Variants in ARMC3 observed in about 807,000 individuals in gnomAD.
The protein encoded by ARMC3 is armadillo repeat containing 3.
Under a neutral mutation model 90.3 loss-of-function variants are expected in ARMC3, and 74 were observed. The observed-to-expected ratio is 0.82, with a 90% CI of 0.68 to 0.99. ARMC3 has a LOEUF of 0.99. Among genes scored for constraint, ARMC3 ranks in the 50% least tolerant of loss-of-function variants. The pLI is 0.00. For synonymous variants in ARMC3, 334 were observed against 361.8 expected (o/e 0.92, Z 0.87); for missense variants, 958 against 1,042.8 (o/e 0.92, Z 1.12).
chr10:22,992,300 G>T (rs994069216), intron 10 of ARMC3, among the ~76,000 whole-genome samples: 11 of 152,164 alleles, frequency 7.2e-5, no homozygotes, highest in Non-Finnish European at 1.3e-4. Context: ...TGTTCTCTTT[G>T]AGAGAGCATA....
intron 2 of ARMC3, among the ~76,000 whole-genome samples, chr10:22,944,371 G>A (rs1321367032): frequency 6.6e-6 from 1 of 152,060 alleles, no homozygotes; most frequent in African/African-American, 2.4e-5. Flanking sequence ...AAACCATCTT[G>A]TGTTATTTTC....
chr10:22,988,625 G>C (rs958618683), intron 10 of ARMC3, among the ~76,000 whole-genome samples: 45 of 152,090 alleles, frequency 3.0e-4, no homozygotes, highest in African/African-American at 1.1e-3. Context: ...GAATGATGAT[G>C]GTCATTTTGA....
intron 1 of ARMC3, among the ~76,000 whole-genome samples, chr10:22,929,007 G>A (rs1437399606): frequency 1.3e-5 from 2 of 152,056 alleles, no homozygotes; most frequent in African/African-American, 2.4e-5. Context: ...CGGGTGGATC[G>A]CCTGAAGTCA....
rs776201846 is a variant in ARMC3 at position 22,998,343 on chromosome 10, C to T, written c.1371C>T (p.Ser457=). 1.2e-6 allele frequency: 2 copies of T among 1,613,844 alleles called. No individual in the cohort carries two copies. The highest frequency in any genetic ancestry group is 4.5e-5 in the East Asian group (2 of 44,872). The change falls in exon 11 of 19, where the codon AGC becomes AGT. Residue 457 remains serine, a synonymous_variant. Transcript: ENST00000298032. The part of the protein sequence containing the change: ...PLRSANTVVQ[S]KAALAVTATA... ...GTTCTGCAAACACAGTCGTGCAGAG[C>T]AAAGCTGCTCTCGCTGTCACCGCAA...
intron 9 of ARMC3, 26 bp downstream of exon 9, chr10:22,981,518 T>C (rs199873051): frequency 1.0e-3 from 1,671 of 1,613,486 alleles, no homozygotes; most frequent in Admixed American, 1.5e-3. Context: ...ACAATTCTTT[T>C]GAGCATTTTT....
At chr10:23,014,163 A>AG (rs72297783) in intron 16 of ARMC3, 332,375 of 1,549,080 alleles carry the variant, frequency 0.21, 38,097 homozygotes, top group African/African-American at 0.41. Flanking sequence ...TGTTGGCATG[A>AG]GGAGAACACA....
At chr10:23,011,314 G>A (rs1227429239) in intron 16 of ARMC3, among the ~76,000 whole-genome samples, 1 of 152,160 alleles carries the variant, frequency 6.6e-6, no homozygotes, top group East Asian at 1.9e-4. Context: ...TGGAGCAAAT[G>A]GGTTACCTTC....
At chr10:23,014,235 T>A in intron 16 of ARMC3, 2 of 1,519,136 alleles carry the variant, frequency 1.3e-6, no homozygotes, top group Non-Finnish European at 1.8e-6. Flanking sequence ...AAAATGATGA[T>A]CCCTGCCTCA....
At chr10:23,000,698 G>T (rs1246019590) in intron 11 of ARMC3, among the ~76,000 whole-genome samples, 1 of 152,154 alleles carries the variant, frequency 6.6e-6, no homozygotes, top group Non-Finnish European at 1.5e-5. Context: ...TGCTTCAAGT[G>T]AACTTTCTAA....
At chr10:22,997,869 G>A (rs969007752) in intron 10 of ARMC3, among the ~76,000 whole-genome samples, 1 of 151,752 alleles carries the variant, frequency 6.6e-6, no homozygotes, top group Non-Finnish European at 1.5e-5. Context: ...AGTAGTAGTC[G>A]TCTATTTCTG....
intron 4 of ARMC3, among the ~76,000 whole-genome samples, chr10:22,957,864 T>C (rs1250488895): frequency 6.6e-6 from 1 of 152,238 alleles, no homozygotes; most frequent in African/African-American, 2.4e-5. Context: ...TTATTTCTTA[T>C]GTTTTATTCT....
chr10:22,932,487 T>A (rs1833970096), intron 2 of ARMC3, among the ~76,000 whole-genome samples: 1 of 152,222 alleles, frequency 6.6e-6, no homozygotes, highest in African/African-American at 2.4e-5. Flanking sequence ...CCTTTCCAGT[T>A]CTATCGAGAG....
chr10:22,963,940 A>AGACT (rs1835333514), intron 7 of ARMC3, among the ~76,000 whole-genome samples: 1 of 145,368 alleles, frequency 6.9e-6, no homozygotes, highest in Non-Finnish European at 1.5e-5. Flanking sequence ...AAAAAAAAAA[A>AGACT]AAAAAAAAAA....
At chr10:22,929,640 C>T (rs987351763) in intron 1 of ARMC3, among the ~76,000 whole-genome samples, 7 of 152,186 alleles carry the variant, frequency 4.6e-5, no homozygotes, top group Non-Finnish European at 7.3e-5. Flanking sequence ...CTCCGCCTCC[C>T]GGCCTCAAGC....
intron 8 of ARMC3, among the ~76,000 whole-genome samples, chr10:22,972,172 C>A (rs1471707797): frequency 6.6e-6 from 1 of 152,142 alleles, no homozygotes; most frequent in Non-Finnish European, 1.5e-5. Context: ...TGCTTTGATG[C>A]AAAAAGTTTT....
chr10:23,030,527 A>T (rs1359683216), intron 16 of ARMC3, 69 bp from the exon 17 acceptor site: 12 of 1,535,790 alleles, frequency 7.8e-6, no homozygotes, highest in African/African-American at 2.8e-5. Context: ...TCTTTTCAGA[A>T]ATGCAAGAGC....
intron 8 of ARMC3, among the ~76,000 whole-genome samples, chr10:22,973,069 A>T (rs1473126373): frequency 1.3e-5 from 2 of 151,970 alleles, no homozygotes; most frequent in Non-Finnish European, 2.9e-5. Context: ...TGAGGTGGGA[A>T]GATCACTTGA....
intron 14 of ARMC3, among the ~76,000 whole-genome samples, chr10:23,007,465 T>TG (rs950729197): frequency 3.3e-5 from 5 of 152,120 alleles, no homozygotes; most frequent in African/African-American, 1.2e-4. Context: ...CCCAACACTT[T>TG]GGGAGCCGAG....
intron 17 of ARMC3, 147 bp from the exon 18 acceptor site, chr10:23,032,710 CTATT>C: frequency 3.9e-6 from 3 of 761,486 alleles, no homozygotes; most frequent in South Asian, 1.9e-5. Flanking sequence ...GTAAGCATAA[CTATT>C]TATGGTTAGT....
Sources: gnomAD v4.1 joint callset for allele counts (sites outside exome capture counted in the v4.1 genomes callset) on GRCh38, gnomAD v4.1.1 for gene constraint, MANE v1.5 for transcripts, NCBI Gene and HGNC (gene_info 2026-07-23, HGNC 2026-07-21) for gene names.